Variants in INTS1 observed in about 807,000 individuals in gnomAD.
INTS1 encodes integrator complex subunit 1.
A neutral mutation model predicts 241.6 loss-of-function variants in INTS1; 137 were observed. The ratio of observed to expected loss-of-function variants is 0.57; its 90% CI spans 0.49 to 0.65. The LOEUF (loss-of-function observed/expected upper bound fraction) is 0.65, where lower values mean the gene tolerates loss of function less well. Ranked by LOEUF, INTS1 falls within the 30% of genes least tolerant of loss-of-function variation. The pLI is 0.00. For missense variants in INTS1, 3,073 were observed against 3,032.2 expected, an observed-to-expected ratio of 1.01 and a Z score of -0.32; for synonymous variants, 1,692 against 1,337.8, an observed-to-expected ratio of 1.26 and a Z score of -5.78.
chr7:1,499,724 G>A, intron 5 of INTS1, 92 bp from the exon 6 acceptor site: 2 of 1,487,480 alleles, frequency 1.3e-6, no homozygotes, highest in East Asian at 2.4e-5. Flanking sequence ...TGGGTGCCCA[G>A]GCGGCCCTCT....
Position 1,472,380 on chromosome 7 carries a change from C to A in INTS1, c.6077G>T (p.Ser2026Ile), listed in dbSNP as rs1781514042. 1.9e-6 allele frequency: 3 copies of A among 1,550,740 alleles called. No homozygotes were observed. The highest frequency in any genetic ancestry group is 2.6e-6 in the Non-Finnish European group (3 of 1,146,330). The stretch of plus-strand genomic sequence containing the variant: ...GACCAGGGGCAAGGAGCCGGCTGAG[C>A]TCTCCTCTGGAAGACAGTGGCAGTG... ...RGLDEEGEEE[S>I]SAGSLPLVSV... The change falls in exon 44 of 48, where the codon AGC becomes ATC. Residue 2026 changes from serine (S) to isoleucine (I), a missense_variant. Ser to Ile is a moderately radical substitution (Grantham distance 142, BLOSUM62 -2). Transcript: ENST00000404767.
chr7:1,486,966 C>A lies in INTS1; in HGVS notation c.2782G>T (p.Asp928Tyr). 2 of 1,608,058 alleles carry A rather than the reference C, an allele frequency of 1.2e-6. No individual in the cohort carries two copies. The highest frequency in any genetic ancestry group is 1.7e-6 in the Non-Finnish European group (2 of 1,179,326). ...AVDDAASGEE[D>Y]DEGESKEQKA... ...TGCTCCTTGCTCTCGCCCTCGTCGTCCTCCTCCCCGGAAGCAGCATCGTCC... is the reference window on the plus strand; with the variant it reads ...TGCTCCTTGCTCTCGCCCTCGTCGTACTCCTCCCCGGAAGCAGCATCGTCC... The change falls in exon 21 of 48, where the codon GAC (aspartate) becomes TAC (tyrosine). Residue 928 changes from aspartate (D) to tyrosine (Y), a missense_variant. Asp to Tyr is a radical substitution (Grantham distance 160). Transcript: ENST00000404767.
Position 1,487,565 on chromosome 7 carries a change from A to T in INTS1, c.2517-116T>A, listed in dbSNP as rs1263707988. Reference sequence around the variant, plus strand: ...GCCGACAGCCCGAGACGGGCAACCCATCCTGACCTGGGATGTCCCCAAGGC... The same window carrying T: ...GCCGACAGCCCGAGACGGGCAACCCTTCCTGACCTGGGATGTCCCCAAGGC... On this transcript the variant is annotated intron_variant, in intron 19 of 47. Coordinates refer to ENST00000404767, the MANE Select transcript of INTS1 (RefSeq NM_001080453.3). The T allele has an allele frequency of 2.2e-6, 3 of 1,378,526 alleles. No individual in the cohort carries two copies. The Admixed American group carries it at 6.4e-5, about 29-fold the overall frequency. The allele number at this position is 1,378,526 out of a possible 1,614,324, so 85.4% of individuals were successfully genotyped here. A position where few individuals can be genotyped will look rare whatever the true frequency, so the allele number is the denominator to read the frequency against.
chr7:1,481,564 G>A lies in INTS1; in HGVS notation c.3704-76C>T. 2 of 1,485,958 alleles carry A rather than the reference G, an allele frequency of 1.3e-6. No individual in the cohort carries two copies. Among genetic ancestry groups the A allele is most frequent in the South Asian group, 2.6e-5 (2 of 76,978 alleles). 92.0% of individuals were successfully genotyped at this position (1,485,958 alleles called of 1,614,324 possible). A position where few individuals can be genotyped will look rare whatever the true frequency, so the allele number is the denominator to read the frequency against. On this transcript the variant is annotated intron_variant, in intron 27 of 47. Coordinates refer to ENST00000404767, the MANE Select transcript of INTS1 (RefSeq NM_001080453.3). The surrounding 1 kb of genome is among the most constrained non-coding windows in gnomAD (Gnocchi z 6.8). ...CTCGGGACCCCACCCGAGACCTGGGGCTGCCTGTGTGCAGTGACCCCACCC... is the reference window on the plus strand; with the variant it reads ...CTCGGGACCCCACCCGAGACCTGGGACTGCCTGTGTGCAGTGACCCCACCC...
chr7:1,476,964 G>A (rs1344227279), intron 35 of INTS1, 46 bp from the exon 36 acceptor site: 5 of 1,576,998 alleles, frequency 3.2e-6, no homozygotes, highest in Non-Finnish European at 4.3e-6. Flanking sequence ...TGGGCCAATG[G>A]CAGGCTCTGC....
intron 8 of INTS1, 51 bp from the exon 9 acceptor site, chr7:1,498,903 A>ACGCTGTGGGG (rs1782998612): frequency 6.5e-7 from 1 of 1,544,470 alleles, no homozygotes; most frequent in East Asian, 2.4e-5. Context: ...CGGCAGGAAG[A>ACGCTGTGGGG]CCACGCTGTG....
At chr7:1,494,989 G>T in intron 13 of INTS1, 96 bp from the exon 14 acceptor site, 1 of 1,411,684 alleles carries the variant, frequency 7.1e-7, no homozygotes, top group Non-Finnish European at 9.7e-7. Context: ...ACGGGCCCCA[G>T]CGCTCAGAGG....
Position 1,481,380 on chromosome 7 carries a change from T to C in INTS1, c.3812A>G (p.His1271Arg). ...LLQFLDQAVA[H>R]DPQTLEQNIM... ...GTTCTGCTCCAGAGTCTGGGGGTCG[T>C]GGGCCACTGCCTGGTCCAGGAACTG... The change falls in exon 28 of 48, where the codon CAC becomes CGC. Residue 1271 changes from histidine (H) to arginine (R), a missense_variant. Transcript: ENST00000404767. The surrounding 1 kb of genome is among the most constrained non-coding windows in gnomAD (Gnocchi z 6.8). 1 of 1,612,872 alleles carries C rather than the reference T, an allele frequency of 6.2e-7. No homozygotes were observed. The highest frequency in any genetic ancestry group is 8.5e-7 in the Non-Finnish European group (1 of 1,179,712).
rs376788055 is a variant in INTS1 at position 1,478,344 on chromosome 7, G to A, written c.4630+22C>T. On this transcript the variant is annotated intron_variant, in intron 33 of 47. Transcript: ENST00000404767. ...TCTTCCCAGGGCCGCCGTGGCCCAA[G>A]AGGATGGTGCCAGGAAGGTACCTTT... 1.3e-5 allele frequency: 21 copies of A among 1,609,108 alleles called. No homozygotes were observed. In the African/African-American group the frequency reaches 2.7e-4, roughly 20 times the overall value.
Position 1,481,543 on chromosome 7 carries a change from G to A in INTS1, c.3704-55C>T. ...CCAAAACCCGGGCAATGCGCACTCG[G>A]GACCCCACCCGAGACCTGGGGCTGC... On this transcript the variant is annotated intron_variant, in intron 27 of 47. Transcript: ENST00000404767. This position sits in a 1 kb window ranked among gnomAD's most constrained non-coding sequence, Gnocchi z 6.8. The A allele has an allele frequency of 1.9e-6, 3 of 1,543,418 alleles. No individual in the cohort carries two copies. The highest frequency in any genetic ancestry group is 2.6e-6 in the Non-Finnish European group (3 of 1,146,820).
At chr7:1,504,117 C>G (rs931505635) in intron 1 of INTS1, 116 bp from the exon 2 acceptor site, 3 of 595,440 alleles carry the variant, frequency 5.0e-6, no homozygotes, top group Non-Finnish European at 8.6e-6. Flanking sequence ...GTCCCGCGCC[C>G]GCCCGGCGGG....
chr7:1,482,976 G>C (rs922055158), intron 26 of INTS1: 7 of 450,226 alleles, frequency 1.6e-5, no homozygotes, highest in Non-Finnish European at 2.8e-5. Flanking sequence ...TCCCCATCCA[G>C]CCCCTGCCCT....
chr7:1,495,381 G>C (rs1286319272), intron 13 of INTS1, 52 bp downstream of exon 13: 1 of 1,571,360 alleles, frequency 6.4e-7, no homozygotes, highest in Non-Finnish European at 8.6e-7. Context: ...GCCCCGGCTT[G>C]TCCCGGCTCA....
chr7:1,482,457 C>G, intron 27 of INTS1, 89 bp downstream of exon 27: 1 of 1,357,590 alleles, frequency 7.4e-7, no homozygotes. Context: ...TCTGCCACAG[C>G]CGGAGGCTGC....
Position 1,482,721 on chromosome 7 carries a change from A to C in INTS1, c.3542-14T>G. 1 of 1,611,816 alleles carries C rather than the reference A, an allele frequency of 6.2e-7. No homozygotes were observed. Among genetic ancestry groups the C allele is most frequent in the Non-Finnish European group, 8.5e-7 (1 of 1,179,368 alleles). On this transcript the variant is annotated splice_polypyrimidine_tract_variant and intron_variant, in intron 26 of 47. Transcript: ENST00000404767. ...CGCTGTCGTCGGCTTCAGGAAGGACAACGGGTGAGCAGCCTTCAGACCCAC... is the reference window on the plus strand; with the variant it reads ...CGCTGTCGTCGGCTTCAGGAAGGACCACGGGTGAGCAGCCTTCAGACCCAC...
intron 16 of INTS1, among the ~76,000 whole-genome samples, chr7:1,491,846 C>G (rs1489124511): frequency 6.6e-6 from 1 of 152,218 alleles, no homozygotes; most frequent in Non-Finnish European, 1.5e-5. Flanking sequence ...TGCAGTGAAC[C>G]GTTGATTGTG....
rs1287924691 is a variant in INTS1, at chr7:1,496,213, C to T, written c.1654G>A (p.Gly552Ser). 1.2e-6 allele frequency: 2 copies of T among 1,613,756 alleles called. No individual in the cohort carries two copies. The highest frequency in any genetic ancestry group is 1.3e-5 in the African/African-American group (1 of 74,928). Residue 552 changes from glycine (G) to serine (S), a missense_variant, in exon 12 of 48, where the codon GGC becomes AGC. Transcript: ENST00000404767. ...TDVLAVSMML[G>S]ITAQVKEAGI... ...GCCTCCTTCACCTGCGCTGTGATGC[C>T]CAGCATCATGGACACGGCCAGGACG...
In INTS1 at chr7:1,503,206, G is replaced by A. The variant is rs1783280937; in HGVS notation, c.59-15C>T. On this transcript the variant is annotated splice_polypyrimidine_tract_variant and intron_variant, in intron 2 of 47. Transcript: ENST00000404767. ...GGGAGGGTGCCCTGCAGAGAAAGGA[G>A]AGAGAAAACCGGGCACATTTGCAAC... 4 of 1,519,328 alleles carry A rather than the reference G, an allele frequency of 2.6e-6. No homozygotes were observed. Among genetic ancestry groups the A allele is most frequent in the Non-Finnish European group, 3.5e-6 (4 of 1,134,888 alleles). 94.1% of individuals were successfully genotyped at this position (1,519,328 alleles called of 1,614,324 possible). A position where few individuals can be genotyped will look rare whatever the true frequency, so the allele number is the denominator to read the frequency against.
chr7:1,471,163 A>G lies in INTS1; in HGVS notation c.6317T>C (p.Leu2106Pro). Reference sequence around the variant, plus strand: ...GCTGTTCTGCATGGAGCGCAGGGCCAGGCTGAAGGCGAGGTTGCGGCAACA... The same window carrying G: ...GCTGTTCTGCATGGAGCGCAGGGCCGGGCTGAAGGCGAGGTTGCGGCAACA... ...EECCRNLAFS[L>P]ALRSMQNSPS... Residue 2106 changes from leucine to proline, a missense_variant, in exon 46 of 48, where the codon CTG becomes CCG. Transcript: ENST00000404767. The G allele has an allele frequency of 6.3e-7, 1 of 1,580,534 alleles. No individual in the cohort carries two copies. Among genetic ancestry groups the G allele is most frequent in the Non-Finnish European group, 8.6e-7 (1 of 1,164,682 alleles).
Sources: gnomAD v4.1 joint callset for allele counts (sites outside exome capture counted in the v4.1 genomes callset) on GRCh38, gnomAD v4.1.1 for gene constraint, Gnocchi (gnomAD v3.1) non-coding constraint, MANE v1.5 for transcripts, NCBI Gene and HGNC (gene_info 2026-07-23, HGNC 2026-07-21) for gene names.